EDRF1: variants seen among roughly 807,000 people sequenced by gnomAD.
EDRF1 encodes erythroid differentiation-related factor 1.
A neutral mutation model predicts 148.7 loss-of-function variants in EDRF1; 69 were observed. The observed-to-expected ratio is 0.46, with a 90% CI of 0.38 to 0.57. The LOEUF (loss-of-function observed/expected upper bound fraction) is 0.57. Ranked by LOEUF, EDRF1 falls within the 20% of genes least tolerant of loss-of-function variation. The pLI, the probability that EDRF1 is intolerant of heterozygous loss-of-function variation, is 0.00. For missense variants in EDRF1, 1,118 were observed against 1,478.7 expected (o/e 0.76, Z 4.00); for synonymous variants, 515 against 532.8 (o/e 0.97, Z 0.46).
chr10:125,761,711 A>C (rs1850201520), intron 24 of EDRF1, among the ~76,000 whole-genome samples: 1 of 152,232 alleles, frequency 6.6e-6, no homozygotes, highest in African/African-American at 2.4e-5. Flanking sequence ...GAAGATGAAG[A>C]TTTAAGATTC....
At chr10:125,738,263 A>G (rs2133709952) in intron 14 of EDRF1, 32 bp from the exon 15 acceptor site, 2 of 1,613,594 alleles carry the variant, frequency 1.2e-6, no homozygotes, top group East Asian at 2.2e-5. Context: ...CTGAAGTTAG[A>G]TAGATAGTGA....
chr10:125,745,627 C>A, intron 18 of EDRF1, 80 bp from the exon 19 acceptor site: 1 of 1,460,644 alleles, frequency 6.8e-7, no homozygotes, highest in South Asian at 1.2e-5. Context: ...TGCCATCCTC[C>A]TCTTATCTCA....
At chr10:125,754,185 C>T (rs1454574761) in intron 24 of EDRF1, among the ~76,000 whole-genome samples, 1 of 144,802 alleles carries the variant, frequency 6.9e-6, no homozygotes, top group Non-Finnish European at 1.5e-5. Context: ...CACTGCACTG[C>T]AGCCTAGGCA....
At chr10:125,749,823 T>C (rs1849550091) in intron 22 of EDRF1, 2 of 464,924 alleles carry the variant, frequency 4.3e-6, no homozygotes, top group East Asian at 8.7e-5. Flanking sequence ...GGAAAAAAAA[T>C]TGACAAATAA....
chr10:125,735,433 G>T (rs1848678204), intron 12 of EDRF1, among the ~76,000 whole-genome samples: 1 of 152,024 alleles, frequency 6.6e-6, no homozygotes. Context: ...GTAATTTCGG[G>T]AAATAGGAAA....
chr10:125,755,956 C>G lies in EDRF1; in HGVS notation c.3545+2111C>G, dbSNP rs1002055857. 5.0e-4 allele frequency among the ~76,000 whole-genome samples: 76 copies of G among 151,940 alleles called. 3 individuals carry two copies. Among genetic ancestry groups the G allele is most frequent in the Non-Finnish European group, 1.5e-5 (1 of 68,004 alleles). On this transcript the variant is annotated intron_variant, in intron 24 of 24. Transcript: ENST00000356792. ...ATTGTTTCTCTCTTTTAAATGTCAT[C>G]AATTTCTGCCGTTCATTTCCTTCCT... is the stretch of plus-strand genomic sequence containing the variant.
intron 9 of EDRF1, among the ~76,000 whole-genome samples, chr10:125,732,373 A>G (rs1210142875): frequency 6.6e-6 from 1 of 152,188 alleles, no homozygotes; most frequent in African/African-American, 2.4e-5. Flanking sequence ...ATTGGTTTAG[A>G]CAGGGAAGGT....
chr10:125,729,411 T>C lies in EDRF1; in HGVS notation c.948T>C (p.His316=), dbSNP rs896830198. ...TTCTATGGACATTTGAAGATATCCATATGTTGGTCGGCTCCAACATGCCCA... is the reference window on the plus strand; with the variant it reads ...TTCTATGGACATTTGAAGATATCCACATGTTGGTCGGCTCCAACATGCCCA... ...RNILWTFEDI[H]MLVGSNMPIF... is the part of the protein sequence containing the mutation. Residue 316 remains histidine (H), a synonymous_variant, in exon 8 of 25, where the codon CAT becomes CAC. Coordinates refer to ENST00000356792, the MANE Select transcript of EDRF1 (RefSeq NM_001202438.2). 4.3e-6 allele frequency: 7 copies of C among 1,613,616 alleles called. No homozygotes were observed. The highest frequency in any genetic ancestry group is 3.3e-5 in the South Asian group (3 of 91,088).
chr10:125,759,293 A>G (rs1423717564), intron 24 of EDRF1, among the ~76,000 whole-genome samples: 1 of 152,180 alleles, frequency 6.6e-6, no homozygotes, highest in African/African-American at 2.4e-5. Context: ...CATCTGCCCC[A>G]GGTAAGGAAG....
chr10:125,728,043 GAAAA>G (rs754539075), intron 6 of EDRF1, among the ~76,000 whole-genome samples: 2 of 150,396 alleles, frequency 1.3e-5, no homozygotes, highest in East Asian at 3.9e-4. Context: ...TTTAAAAAAA[GAAAA>G]AAAAATTAGC....
At chr10:125,752,742 T>G in intron 22 of EDRF1, 57 bp from the exon 23 acceptor site, 1 of 1,147,986 alleles carries the variant, frequency 8.7e-7, no homozygotes, top group Non-Finnish European at 1.3e-6. Context: ...ACATTAACAT[T>G]AGATGGGTTT....
At chr10:125,743,863 G>A (rs1307910280) in intron 18 of EDRF1, among the ~76,000 whole-genome samples, 1 of 152,182 alleles carries the variant, frequency 6.6e-6, no homozygotes, top group Non-Finnish European at 1.5e-5. Flanking sequence ...CAAGAGGCCT[G>A]TGTGAGGAAG....
intron 9 of EDRF1, among the ~76,000 whole-genome samples, chr10:125,732,442 T>C (rs1013286344): frequency 5.3e-5 from 8 of 152,198 alleles, no homozygotes; most frequent in Non-Finnish European, 1.2e-4. Flanking sequence ...AGTGAGCATT[T>C]TGAAGTTGCA....
chr10:125,738,249 T>A, intron 14 of EDRF1, 46 bp from the exon 15 acceptor site: 1 of 1,609,438 alleles, frequency 6.2e-7, no homozygotes. Context: ...AGTTTTCAGT[T>A]GACCTGAAGT....
At chr10:125,750,790 G>A (rs1849597971) in intron 22 of EDRF1, among the ~76,000 whole-genome samples, 1 of 152,186 alleles carries the variant, frequency 6.6e-6, no homozygotes, top group African/African-American at 2.4e-5. Flanking sequence ...TATAACGCAT[G>A]GCTAGATGTG....
At chr10:125,758,979 G>A (rs563112379) in intron 24 of EDRF1, among the ~76,000 whole-genome samples, 6 of 152,170 alleles carry the variant, frequency 3.9e-5, no homozygotes, top group Admixed American at 3.9e-4. Context: ...GGTTGGCAGG[G>A]TTCATTGTCT....
At chr10:125,743,422 ATAGAAT>A (rs1849137499) in intron 18 of EDRF1, 146 bp downstream of exon 18, 1 of 692,384 alleles carries the variant, frequency 1.4e-6, no homozygotes, top group African/African-American at 1.8e-5. Flanking sequence ...TTCTTAAGAA[ATAGAAT>A]TAGGAACACA....
intron 9 of EDRF1, among the ~76,000 whole-genome samples, chr10:125,732,539 A>C (rs755984995): frequency 1.9e-4 from 29 of 152,258 alleles, no homozygotes; most frequent in African/African-American, 7.0e-4. Flanking sequence ...CAGACATTGG[A>C]GCCTCTCCTC....
chr10:125,737,997 T>C lies in EDRF1; in HGVS notation c.1830+8T>C. On this transcript the variant is annotated splice_region_variant and intron_variant, in intron 14 of 24. Coordinates refer to ENST00000356792, the MANE Select transcript of EDRF1 (RefSeq NM_001202438.2). Reference sequence around the variant, plus strand: ...CTTAGCTATGTTCTAGAGGTAAGTTTAAGTTTAGTCTTCACTTTTTTCGTA... The same window carrying C: ...CTTAGCTATGTTCTAGAGGTAAGTTCAAGTTTAGTCTTCACTTTTTTCGTA... The C allele has an allele frequency of 6.2e-7, 1 of 1,613,406 alleles. No individual in the cohort carries two copies. The highest frequency in any genetic ancestry group is 8.5e-7 in the Non-Finnish European group (1 of 1,179,374).
Sources: allele counts gnomAD v4.1 joint callset (sites outside exome capture counted in the v4.1 genomes callset), GRCh38; gene constraint gnomAD v4.1.1; transcripts MANE v1.5; gene names NCBI Gene and HGNC (gene_info 2026-07-23, HGNC 2026-07-21).